The following PCSK2 variants were observed in gnomAD, a reference collection of about 807,000 sequenced individuals.
PCSK2 encodes the protein proprotein convertase subtilisin/kexin type 2.
PCSK2 carries 14 observed loss-of-function variants against 69.7 expected under a neutral mutation model. The observed-to-expected ratio is 0.20, with a 90% CI of 0.13 to 0.31. The LOEUF is 0.31. PCSK2 is among the 10% of genes least tolerant of loss of function. PCSK2 has a pLI of 1.00. For synonymous variants in PCSK2, 307 were observed against 320.7 expected, an observed-to-expected ratio of 0.96 and a Z score of 0.46; for missense variants, 544 against 842.5, an observed-to-expected ratio of 0.65 and a Z score of 4.39.
At chr20:17,473,057 A>C (rs751886841) in intron 11 of PCSK2, among the ~76,000 whole-genome samples, 4 of 137,092 alleles carry the variant, frequency 2.9e-5, no homozygotes, top group Non-Finnish European at 6.3e-5. Context: ...ACGATTTTGC[A>C]TGTTATCTCT....
rs866801768 is a variant in PCSK2 at position 17,347,816 on chromosome 20, G to T, written c.283-10511G>T. Among the ~76,000 whole-genome samples, 75 of 124,048 alleles carry T rather than the reference G, an allele frequency of 6.0e-4. 1 individual carries two copies. Among genetic ancestry groups the T allele is most frequent in the African/African-American group, 1.1e-3 (34 of 32,046 alleles). 81.4% of individuals were successfully genotyped at this position (124,048 alleles called of 152,430 possible). On this transcript the variant is annotated intron_variant, in intron 2 of 11. Coordinates refer to ENST00000262545, the MANE Select transcript of PCSK2 (RefSeq NM_002594.5). ...AGAAAGAAAGAAAGAAAGAAAGAAA[G>T]AAAGAAAGAAAGAAAGAAAGAAAGA...
intron 6 of PCSK2, 63 bp from the exon 7 acceptor site, chr20:17,429,372 C>T: frequency 8.5e-7 from 1 of 1,179,882 alleles, no homozygotes; most frequent in Non-Finnish European, 1.3e-6. Flanking sequence ...ATTTTGAGCC[C>T]ATGAGAGATC....
intron 1 of PCSK2, 60 bp from the exon 2 acceptor site, chr20:17,260,180 C>T (rs1286279145): frequency 2.8e-6 from 3 of 1,064,834 alleles, no homozygotes; most frequent in African/African-American, 1.6e-5. Context: ...GCTTTGGTGT[C>T]CCTGTCCCTG....
At chr20:17,260,089 G>A in intron 1 of PCSK2, 151 bp from the exon 2 acceptor site, 1 of 634,442 alleles carries the variant, frequency 1.6e-6, no homozygotes, top group Non-Finnish European at 2.8e-6. Flanking sequence ...TAGGGAAATA[G>A]AGGACCAGGA....
At chr20:17,463,246 G>GAAAT (rs2033042615) in intron 10 of PCSK2, among the ~76,000 whole-genome samples, 1 of 152,148 alleles carries the variant, frequency 6.6e-6, no homozygotes, top group African/African-American at 2.4e-5. Context: ...GCAAAGATGA[G>GAAAT]AAATGAGAAA....
intron 2 of PCSK2, among the ~76,000 whole-genome samples, chr20:17,263,345 T>A (rs1238916024): frequency 2.0e-5 from 3 of 152,242 alleles, no homozygotes; most frequent in Non-Finnish European, 4.4e-5. Flanking sequence ...GATTCTGATG[T>A]AGACTGTGTT....
chr20:17,392,435 C>T (rs2031406300), intron 5 of PCSK2, among the ~76,000 whole-genome samples: 1 of 152,178 alleles, frequency 6.6e-6, no homozygotes, highest in African/African-American at 2.4e-5. Flanking sequence ...TAAAATTACT[C>T]TAGTCCAATA....
intron 2 of PCSK2, among the ~76,000 whole-genome samples, chr20:17,283,325 G>C (rs73094412): frequency 1.3e-5 from 2 of 152,072 alleles, no homozygotes; most frequent in African/African-American, 4.8e-5. Flanking sequence ...ATTCACAAGC[G>C]GGGGCATTCA....
At chr20:17,280,003 A>C (rs911291295) in intron 2 of PCSK2, among the ~76,000 whole-genome samples, 2 of 151,484 alleles carry the variant, frequency 1.3e-5, no homozygotes, top group African/African-American at 4.8e-5. Flanking sequence ...AAAAAAAAAA[A>C]CACACTTGTT....
intron 5 of PCSK2, among the ~76,000 whole-genome samples, chr20:17,376,841 T>C (rs906982752): frequency 3.9e-5 from 6 of 152,242 alleles, no homozygotes; most frequent in African/African-American, 1.4e-4. Context: ...ACTTAATACA[T>C]ATTTGTTAAA....
intron 1 of PCSK2, among the ~76,000 whole-genome samples, chr20:17,253,182 A>C (rs990104755): frequency 2.9e-4 from 44 of 152,240 alleles, no homozygotes; most frequent in African/African-American, 9.9e-4. Context: ...TGTTCATCAT[A>C]GCATTTTTAA....
At chr20:17,323,443 C>T (rs1291804884) in intron 2 of PCSK2, among the ~76,000 whole-genome samples, 1 of 152,120 alleles carries the variant, frequency 6.6e-6, no homozygotes, top group Non-Finnish European at 1.5e-5. Context: ...TTATAGCCAC[C>T]TGTTCTCACA....
chr20:17,475,981 G>A (rs1361244827), intron 11 of PCSK2, among the ~76,000 whole-genome samples: 1 of 152,152 alleles, frequency 6.6e-6, no homozygotes, highest in Non-Finnish European at 1.5e-5. Flanking sequence ...TCCTGCAACT[G>A]TGCTTCTCAA....
intron 2 of PCSK2, among the ~76,000 whole-genome samples, chr20:17,294,006 G>A (rs1461227505): frequency 6.7e-6 from 1 of 148,954 alleles, no homozygotes; most frequent in African/African-American, 2.5e-5. Context: ...CTACCATTTC[G>A]TTAGTCATTT....
At chr20:17,244,199 G>T (rs1986689847) in intron 1 of PCSK2, among the ~76,000 whole-genome samples, 1 of 152,058 alleles carries the variant, frequency 6.6e-6, no homozygotes, top group Admixed American at 6.6e-5. Context: ...GGGGACTCTG[G>T]GTGACATGGC....
chr20:17,238,254 G>T (rs911466433), intron 1 of PCSK2, among the ~76,000 whole-genome samples: 1 of 149,098 alleles, frequency 6.7e-6, no homozygotes, highest in Non-Finnish European at 1.5e-5. Flanking sequence ...GGTTTTAAAG[G>T]TATTTATGAA....
chr20:17,266,387 G>C (rs1314726188), intron 2 of PCSK2, among the ~76,000 whole-genome samples: 3 of 152,206 alleles, frequency 2.0e-5, no homozygotes, highest in Admixed American at 6.5e-5. Flanking sequence ...TTTGCTGTGA[G>C]AACAATGGGA....
At chr20:17,461,916 C>T (rs1472435536) in intron 10 of PCSK2, among the ~76,000 whole-genome samples, 1 of 152,164 alleles carries the variant, frequency 6.6e-6, no homozygotes, top group South Asian at 2.1e-4. Flanking sequence ...TAAATACATA[C>T]ACCTACTGTG....
intron 2 of PCSK2, among the ~76,000 whole-genome samples, chr20:17,262,461 CA>C (rs1987425216): frequency 8.8e-6 from 1 of 113,768 alleles, no homozygotes; most frequent in Non-Finnish European, 1.9e-5. Flanking sequence ...TAATTTTTTT[CA>C]AAACGAAAAA....
Sources: gnomAD v4.1 joint callset for allele counts (sites outside exome capture counted in the v4.1 genomes callset) on GRCh38, gnomAD v4.1.1 for gene constraint, MANE v1.5 for transcripts, NCBI Gene and HGNC (gene_info 2026-07-23, HGNC 2026-07-21) for gene names.